The following CDNF variants were observed in gnomAD, a reference collection of about 807,000 sequenced individuals.
The protein encoded by CDNF is cerebral dopamine neurotrophic factor, also known as ARMET-like protein 1.
CDNF carries 9 observed loss-of-function variants against 14.8 expected under a neutral mutation model. The observed-to-expected ratio is 0.61, with a 90% CI of 0.37 to 1.06. The LOEUF (loss-of-function observed/expected upper bound fraction) is 1.06, where lower values mean the gene tolerates loss of function less well. Ranked by LOEUF, CDNF falls within the 50% of genes least tolerant of loss-of-function variation. The pLI is 0.01. For missense variants in CDNF, 228 were observed against 228.4 expected, an observed-to-expected ratio of 1.00 and a Z score of 0.01; for synonymous variants, 86 against 87.2, an observed-to-expected ratio of 0.99 and a Z score of 0.07.
intron 1 of CDNF, among the ~76,000 whole-genome samples, chr10:14,837,179 C>A (rs989069537): frequency 2.6e-5 from 4 of 152,210 alleles, no homozygotes; most frequent in African/African-American, 7.2e-5. Flanking sequence ...GCTAACAGAT[C>A]TCTAAAGTGA....
Position 14,820,140 on chromosome 10 carries a change from G to A in CDNF, c.404C>T (p.Ala135Val), listed in dbSNP as rs1264072728. 3.7e-6 allele frequency: 6 copies of A among 1,609,036 alleles called. No homozygotes were observed. The highest frequency in any genetic ancestry group is 3.3e-5 in the South Asian group (3 of 89,708). ...ELKYEKTLDLASVDLRKMRVA... is the reference protein window; with the variant it reads ...ELKYEKTLDLVSVDLRKMRVA... ...TCTCATCTTCCGCAGGTCAACTGATGCCAAGTCCAGTGTTTTTTCTAAATG... is the reference window on the plus strand; with the variant it reads ...TCTCATCTTCCGCAGGTCAACTGATACCAAGTCCAGTGTTTTTTCTAAATG... The change falls in exon 4 of 4, where the codon GCA becomes GTA. Residue 135 changes from alanine to valine, a missense_variant. Coordinates refer to ENST00000465530, the MANE Select transcript of CDNF (RefSeq NM_001029954.3).
chr10:14,820,298 A>G, intron 3 of CDNF, 140 bp from the exon 4 acceptor site: 1 of 846,706 alleles, frequency 1.2e-6, no homozygotes, highest in Non-Finnish European at 1.8e-6. Context: ...TCCAGTTTCC[A>G]TGGAAACCAA....
In CDNF at chr10:14,825,604, G is replaced by T. The variant is rs1327742346; in HGVS notation, c.260C>A (p.Ala87Asp). Reference sequence around the variant, plus strand: ...GATCTTTGTGGCTGCGTCTTTTGTGGCTCCTAGATAATAGCACTGAAGGAA... The same window carrying T: ...GATCTTTGTGGCTGCGTCTTTTGTGTCTCCTAGATAATAGCACTGAAGGAA... ...KENRLCYYLGATKDAATKILS... is the reference protein window; with the variant it reads ...KENRLCYYLGDTKDAATKILS... Residue 87 changes from alanine to aspartate, a missense_variant, in exon 3 of 4, where the codon GCC (alanine) becomes GAC (aspartate). Coordinates refer to ENST00000465530, the MANE Select transcript of CDNF (RefSeq NM_001029954.3). The T allele has an allele frequency of 6.2e-7, 1 of 1,613,974 alleles. No individual in the cohort carries two copies. The highest frequency in any genetic ancestry group is 1.3e-5 in the African/African-American group (1 of 75,016).
rs1242433346 is a variant in CDNF at position 14,828,168 on chromosome 10, T to C, written c.220A>G (p.Thr74Ala). The C allele has an allele frequency of 6.2e-7, 1 of 1,614,048 alleles. No homozygotes were observed. Among genetic ancestry groups the C allele is most frequent in the Admixed American group, 1.7e-5 (1 of 60,006 alleles). Residue 74 changes from threonine to alanine, a missense_variant, in exon 2 of 4, where the codon ACC (threonine) becomes GCC (alanine). Thr to Ala is a moderately conservative substitution (Grantham distance 58). Coordinates refer to ENST00000465530, the MANE Select transcript of CDNF (RefSeq NM_001029954.3). ...EKELISFCLDTKGKENRLCYY... is the reference protein window; with the variant it reads ...EKELISFCLDAKGKENRLCYY... ...ACCAGGCGGTTTTCTTTTCCTTTGG[T>C]GTCCAAGCAAAAACTGATCAATTCT...
In CDNF at chr10:14,837,950, G is replaced by T; in HGVS notation, c.-4C>A. On this transcript the variant is annotated 5_prime_UTR_variant, in exon 1 of 4. Transcript: ENST00000465530. Reference sequence around the variant, plus strand: ...CAACTGGGCTCGCGCACCACATGCTGGGCCAGCAGCTTCAATCGCCTCCGC... The same window carrying T: ...CAACTGGGCTCGCGCACCACATGCTTGGCCAGCAGCTTCAATCGCCTCCGC... 1 of 1,584,672 alleles carries T rather than the reference G, an allele frequency of 6.3e-7. No homozygotes were observed.
intron 3 of CDNF, 49 bp downstream of exon 3, chr10:14,825,430 T>C: frequency 6.4e-7 from 1 of 1,570,784 alleles, no homozygotes; most frequent in Non-Finnish European, 8.7e-7. Flanking sequence ...ACTTTAGAGG[T>C]TTGGGAATCC....
In CDNF at chr10:14,819,588, G is replaced by A. The variant is rs1298470674; in HGVS notation, c.*392C>T. 5 of 156,442 alleles carry A rather than the reference G, an allele frequency of 3.2e-5. No individual in the cohort carries two copies. The highest frequency in any genetic ancestry group is 1.2e-4 in the African/African-American group (5 of 41,564). The allele number at this position is 156,442 out of a possible 1,614,324, so 9.7% of individuals were successfully genotyped here. Reference sequence around the variant, plus strand: ...GGGATTGAAGTTGTGCATTAGATAAGCTGACTGTTGTGTCTTTTGTTTTAG... The same window carrying A: ...GGGATTGAAGTTGTGCATTAGATAAACTGACTGTTGTGTCTTTTGTTTTAG... On this transcript the variant is annotated 3_prime_UTR_variant, in exon 4 of 4. Transcript: ENST00000465530.
At chr10:14,823,624 C>A (rs1450523655) in intron 3 of CDNF, among the ~76,000 whole-genome samples, 3 of 152,138 alleles carry the variant, frequency 2.0e-5, no homozygotes, top group Non-Finnish European at 4.4e-5. Flanking sequence ...ACCTCCCAGG[C>A]TCAGGTGATC....
intron 1 of CDNF, among the ~76,000 whole-genome samples, chr10:14,830,964 T>C (rs905770056): frequency 9.8e-5 from 15 of 152,342 alleles, no homozygotes; most frequent in Middle Eastern, 3.4e-3. Flanking sequence ...CAGATCATCC[T>C]AGTAGTGTGA....
At chr10:14,829,794 T>C (rs1423261373) in intron 1 of CDNF, among the ~76,000 whole-genome samples, 1 of 152,100 alleles carries the variant, frequency 6.6e-6, no homozygotes, top group Non-Finnish European at 1.5e-5. Context: ...CACACCCTGC[T>C]AATTTTTATA....
chr10:14,826,110 C>A (rs543162313), intron 2 of CDNF, among the ~76,000 whole-genome samples: 2,676 of 127,104 alleles, frequency 0.021, 61 homozygotes, highest in South Asian at 0.04. Context: ...GCAGCAGCAG[C>A]AGCAGCAGCA....
chr10:14,820,539 C>T (rs1178939520), intron 3 of CDNF, among the ~76,000 whole-genome samples: 1 of 152,040 alleles, frequency 6.6e-6, no homozygotes, highest in African/African-American at 2.4e-5. Context: ...CCAGCCTGGC[C>T]AACATGGTGA....
chr10:14,820,383 C>T (rs1564311725), intron 3 of CDNF, among the ~76,000 whole-genome samples: 1 of 152,052 alleles, frequency 6.6e-6, no homozygotes, highest in Non-Finnish European at 1.5e-5. Context: ...CAACCAACAG[C>T]AGATCAAAAA....
intron 2 of CDNF, among the ~76,000 whole-genome samples, chr10:14,826,059 A>C (rs554380396): frequency 2.2e-5 from 3 of 134,986 alleles, no homozygotes; most frequent in Non-Finnish European, 3.1e-5. Context: ...GAAGAAGAAG[A>C]AGAAGAAGAA....
In CDNF at chr10:14,826,092, AAGAAGC is replaced by A. The variant is rs1157240519; in HGVS notation, c.244-478_244-473del. Among the ~76,000 whole-genome samples, 1,092 of 110,448 alleles carry A rather than the reference AAGAAGC, an allele frequency of 9.9e-3. 4 individuals carry two copies. The highest frequency in any genetic ancestry group is 0.019 in the Middle Eastern group (4 of 210). The allele number at this position is 110,448 out of a possible 152,430, so 72.5% of individuals were successfully genotyped here. A position where few individuals can be genotyped will look rare whatever the true frequency, so the allele number is the denominator to read the frequency against. ...GAAGAAGAAGAAGAAGAAGAAGAAG[AAGAAGC>A]AGCAGCAGCAGCAGCAGCAGCAGCA... On this transcript the variant is annotated intron_variant, in intron 2 of 3. Coordinates refer to ENST00000465530, the MANE Select transcript of CDNF (RefSeq NM_001029954.3).
At chr10:14,828,034 G>T in intron 2 of CDNF, 111 bp downstream of exon 2, 1 of 1,012,674 alleles carries the variant, frequency 9.9e-7, no homozygotes, top group Non-Finnish European at 1.5e-6. Context: ...GCTCTAAAAT[G>T]GACATACTTG....
At chr10:14,826,238 G>A (rs980791343) in intron 2 of CDNF, among the ~76,000 whole-genome samples, 5 of 151,986 alleles carry the variant, frequency 3.3e-5, no homozygotes, top group African/African-American at 1.2e-4. Flanking sequence ...AGAAGCAGCA[G>A]CAGAAGAAGC....
chr10:14,827,334 C>A (rs1242297940), intron 2 of CDNF, among the ~76,000 whole-genome samples: 1 of 151,902 alleles, frequency 6.6e-6, no homozygotes, highest in Non-Finnish European at 1.5e-5. Context: ...GACAATCTGA[C>A]AATTTTAGGG....
intron 1 of CDNF, 37 bp downstream of exon 1, chr10:14,837,795 G>A: frequency 7.5e-7 from 1 of 1,329,034 alleles, no homozygotes; most frequent in Non-Finnish European, 1.0e-6. Context: ...CCGCAGCGCG[G>A]GGCCGCCGCC....
Sources: gnomAD v4.1 joint callset for allele counts (sites outside exome capture counted in the v4.1 genomes callset) on GRCh38, gnomAD v4.1.1 for gene constraint, MANE v1.5 for transcripts, NCBI Gene and HGNC (gene_info 2026-07-23, HGNC 2026-07-21) for gene names.